Variants in KDM4B observed in about 807,000 individuals in gnomAD.
KDM4B encodes the protein lysine-specific demethylase 4B.
A neutral mutation model predicts 125.2 loss-of-function variants in KDM4B; 32 were observed. The observed-to-expected ratio is 0.26, with a 90% confidence interval of 0.19 to 0.34. The LOEUF is 0.34. Ranked by LOEUF, KDM4B falls within the 10% of genes least tolerant of loss-of-function variation. The pLI is 1.00. For synonymous variants in KDM4B, 721 were observed against 677.9 expected (o/e 1.06, Z -0.99); for missense variants, 1,190 against 1,577.7 (o/e 0.75, Z 4.16).
At chr19:5,038,233 C>T (rs974567425) in intron 3 of KDM4B, among the ~76,000 whole-genome samples, 3 of 152,208 alleles carry the variant, frequency 2.0e-5, no homozygotes, top group South Asian at 2.1e-4. Context: ...AGCCCCGGAG[C>T]GGCTGGGAGG....
intron 6 of KDM4B, among the ~76,000 whole-genome samples, chr19:5,048,738 G>C (rs575121212): frequency 3.3e-5 from 5 of 152,240 alleles, no homozygotes; most frequent in African/African-American, 4.8e-5. Flanking sequence ...AGAGGACCCC[G>C]TGTGACTTGG....
rs1341646694 is a variant in KDM4B at position 5,142,832 on chromosome 19, T to C, written c.2551-1135T>C. Reference sequence around the variant, plus strand: ...GGCCCTGCTCCAGGCCCTTGGCTTATCTGGCTTTTGAACGTGGTTTATAGA... The same window carrying C: ...GGCCCTGCTCCAGGCCCTTGGCTTACCTGGCTTTTGAACGTGGTTTATAGA... On this transcript the variant is annotated intron_variant, in intron 18 of 22. Transcript: ENST00000159111. The surrounding 1 kb of genome is among the most constrained non-coding windows in gnomAD (Gnocchi z 5.4). Among the ~76,000 whole-genome samples the C allele has an allele frequency of 1.3e-5, 2 of 152,032 alleles. No homozygotes were observed. Among genetic ancestry groups the C allele is most frequent in the African/African-American group, 4.8e-5 (2 of 41,384 alleles).
chr19:5,130,975 C>A, intron 11 of KDM4B, 101 bp from the exon 12 acceptor site: 1 of 882,982 alleles, frequency 1.1e-6, no homozygotes, highest in Non-Finnish European at 1.7e-6. Flanking sequence ...GTGGAAGGAG[C>A]CCTCGACCAT....
intron 1 of KDM4B, among the ~76,000 whole-genome samples, chr19:4,985,529 C>T (rs2034797511): frequency 6.6e-6 from 1 of 152,240 alleles, no homozygotes. Flanking sequence ...TGTGATGCTG[C>T]TGGGTGACAG....
rs2291144 is a variant in KDM4B, at chr19:5,137,541, G to A, written c.2386-80G>A. 2,306 of 1,421,510 alleles carry A rather than the reference G, an allele frequency of 1.6e-3. 92 individuals are homozygous for A. In the East Asian group the frequency reaches 0.052, roughly 32 times the overall value. 88.1% of individuals were successfully genotyped at this position (1,421,510 alleles called of 1,614,324 possible). On this transcript the variant is annotated intron_variant, in intron 16 of 22. Transcript: ENST00000159111. ...AATATAAGGGCCGTGGGCTGGGGAC[G>A]GTTGGCAGATCAGGCCCCAAGCAGT... is the stretch of plus-strand genomic sequence containing the variant.
Position 5,114,140 on chromosome 19 carries a change from C to G in KDM4B, c.1115+3322C>G. On this transcript the variant is annotated intron_variant, in intron 10 of 22. Transcript: ENST00000159111. The surrounding 1 kb of genome is among the most constrained non-coding windows in gnomAD (Gnocchi z 5.8). The stretch of plus-strand genomic sequence containing the variant: ...TGCCCTGCCTGAGCCGGAGCCCTCA[C>G]AGTGCTCTCTGGCACCCACGCGACG... 7.8e-7 allele frequency: 1 copy of G among 1,289,626 alleles called. No individual in the cohort carries two copies. Among genetic ancestry groups the G allele is most frequent in the Non-Finnish European group, 1.0e-6 (1 of 988,814 alleles). The allele number at this position is 1,289,626 out of a possible 1,614,324, so 79.9% of individuals were successfully genotyped here.
chr19:5,020,371 A>G (rs1305523098), intron 2 of KDM4B, among the ~76,000 whole-genome samples: 1 of 151,876 alleles, frequency 6.6e-6, no homozygotes, highest in Non-Finnish European at 1.5e-5. Flanking sequence ...TGCTGTGGAC[A>G]TGCGTTTTTG....
In KDM4B at chr19:5,058,144, A is replaced by G. The variant is rs150393616; in HGVS notation, c.626+10475A>G. On this transcript the variant is annotated intron_variant, in intron 6 of 22. Transcript: ENST00000159111. ...GTCCAGCTGGGAAGGGGCAGGTGAGACTTCTCTTTCCTGCCATGTGGGTGC... is the reference window on the plus strand; with the variant it reads ...GTCCAGCTGGGAAGGGGCAGGTGAGGCTTCTCTTTCCTGCCATGTGGGTGC... Among the ~76,000 whole-genome samples the G allele has an allele frequency of 9.1e-4, 138 of 152,302 alleles. 1 individual carries two copies. Among genetic ancestry groups the G allele is most frequent in the African/African-American group, 2.8e-3 (118 of 41,564 alleles).
In KDM4B at chr19:5,057,835, A is replaced by G. The variant is rs551138029; in HGVS notation, c.626+10166A>G. On this transcript the variant is annotated intron_variant, in intron 6 of 22. Transcript: ENST00000159111. ...GTGGGTGAGGAAGGAGCCATTTCTA[A>G]TGGAGTCACCATATTAAGCCCTGCT... Among the ~76,000 whole-genome samples, 6 of 152,348 alleles carry G rather than the reference A, an allele frequency of 3.9e-5. No homozygotes were observed. In the South Asian group the frequency reaches 1.2e-3, roughly 32 times the overall value.
chr19:5,072,065 C>T (rs535241567), intron 7 of KDM4B, among the ~76,000 whole-genome samples: 6 of 152,340 alleles, frequency 3.9e-5, no homozygotes, highest in African/African-American at 1.4e-4. Context: ...CAGCAAGCGA[C>T]AGCCACAGCT....
intron 1 of KDM4B, among the ~76,000 whole-genome samples, chr19:4,992,594 T>C (rs923246520): frequency 6.6e-6 from 1 of 152,106 alleles, no homozygotes; most frequent in African/African-American, 2.4e-5. Flanking sequence ...ACCAGAGGCA[T>C]GTGCTACTAT....
intron 2 of KDM4B, among the ~76,000 whole-genome samples, chr19:5,018,745 C>T (rs2035968613): frequency 6.6e-6 from 1 of 152,222 alleles, no homozygotes. Context: ...ACCCCAAAAC[C>T]AGGCATCTCC....
chr19:4,973,584 G>A (rs1428373779), intron 1 of KDM4B, among the ~76,000 whole-genome samples: 1 of 152,282 alleles, frequency 6.6e-6, no homozygotes, highest in East Asian at 1.9e-4. Flanking sequence ...TGAGGGGGGA[G>A]TGGATTGACG....
chr19:5,120,301 A>G (rs2039336481), intron 11 of KDM4B, among the ~76,000 whole-genome samples: 2 of 152,266 alleles, frequency 1.3e-5, no homozygotes, highest in South Asian at 4.1e-4. Context: ...CCTGGGCAAC[A>G]GAGCAAGACC....
At position 5,150,345 on chromosome 19, in the gene KDM4B, C is replaced by T. The variant is rs1229020124; in HGVS notation, c.3022-13C>T. The T allele has an allele frequency of 3.6e-5, 55 of 1,548,502 alleles. No individual in the cohort carries two copies. In the Middle Eastern group the frequency reaches 5.0e-4, roughly 14 times the overall value. On this transcript the variant is annotated splice_polypyrimidine_tract_variant and intron_variant, in intron 21 of 22. Transcript: ENST00000159111. ...GGCAGTGCCAGGCCCCTGAGAGCCA[C>T]ATCCCCCTGCAGGTGGAGTTTGAGG...
chr19:5,030,095 C>T lies in KDM4B; in HGVS notation c.-25-2771C>T, dbSNP rs555852936. Among the ~76,000 whole-genome samples, 93 of 152,288 alleles carry T rather than the reference C, an allele frequency of 6.1e-4. 1 individual carries two copies. The South Asian group carries it at 0.019, about 31-fold the overall frequency. On this transcript the variant is annotated intron_variant, in intron 2 of 22. Transcript: ENST00000159111. Reference sequence around the variant, plus strand: ...CAACCCCACGAGGTGTGGGGAGCCCCCCTTTTTATTATTTATTTATTTATC... The same window carrying T: ...CAACCCCACGAGGTGTGGGGAGCCCTCCTTTTTATTATTTATTTATTTATC...
chr19:5,120,523 G>A (rs1193799178), intron 11 of KDM4B, among the ~76,000 whole-genome samples: 1 of 152,140 alleles, frequency 6.6e-6, no homozygotes, highest in Admixed American at 6.5e-5. Context: ...CTTCCCACAG[G>A]AGTGTGAACC....
At chr19:5,017,834 G>A (rs1330347407) in intron 2 of KDM4B, among the ~76,000 whole-genome samples, 2 of 151,724 alleles carry the variant, frequency 1.3e-5, no homozygotes, top group Non-Finnish European at 2.9e-5. Context: ...TCCGCCTCCC[G>A]GGTTCACGCC....
intron 6 of KDM4B, among the ~76,000 whole-genome samples, chr19:5,056,410 T>C (rs2037397775): frequency 6.6e-6 from 1 of 150,646 alleles, no homozygotes; most frequent in Non-Finnish European, 1.5e-5. Flanking sequence ...TCTTTCTTTT[T>C]TTTTTTTTTT....
Sources: allele counts gnomAD v4.1 joint callset (sites outside exome capture counted in the v4.1 genomes callset), GRCh38; gene constraint gnomAD v4.1.1; non-coding constraint Gnocchi (gnomAD v3.1); transcripts MANE v1.5; gene names NCBI Gene and HGNC (gene_info 2026-07-23, HGNC 2026-07-21).